Variants in RYR1 observed in about 807,000 individuals in gnomAD.
RYR1 encodes the protein central core disease of muscle.
In RYR1, 342 loss-of-function variants were observed where a neutral mutation model predicts 583.5. The ratio of observed to expected loss-of-function variants is 0.59; its 90% CI spans 0.54 to 0.64. The LOEUF is 0.64. Among genes scored for constraint, RYR1 ranks in the 30% least tolerant of loss-of-function variants. The probability of loss-of-function intolerance (pLI) is 0.00; values close to 1 mark genes in which losing one functional copy is unlikely to be tolerated. For missense variants in RYR1, 6,032 were observed against 6,917.2 expected, an observed-to-expected ratio of 0.87 and a Z score of 4.54; for synonymous variants, 2,791 against 2,822.5, an observed-to-expected ratio of 0.99 and a Z score of 0.35.
chr19:38,523,872 T>C, intron 69 of RYR1, 43 bp from the exon 70 acceptor site: 1 of 1,613,952 alleles, frequency 6.2e-7, no homozygotes, highest in Non-Finnish European at 8.5e-7. Flanking sequence ...TCTGCGGGGC[T>C]GGGGTAACCC....
intron 63 of RYR1, among the ~76,000 whole-genome samples, chr19:38,513,461 C>G (rs1970818156): frequency 6.6e-6 from 1 of 152,270 alleles, no homozygotes; most frequent in Non-Finnish European, 1.5e-5. Flanking sequence ...ACCTGGGCAA[C>G]ATAGCAAAAC....
chr19:38,564,271 C>T (rs909958609), intron 90 of RYR1, among the ~76,000 whole-genome samples: 1 of 152,146 alleles, frequency 6.6e-6, no homozygotes, highest in South Asian at 2.1e-4. Context: ...TGCCTGTAAT[C>T]CCAGCACTTT....
rs140063541 is a variant in RYR1, at chr19:38,502,722, C to T, written c.7830C>T (p.Leu2610=). ...TCATCGAGGACTGCCTCATGTCGCT[C>T]TGCAGGTGGAGCGGGGCAGGCTTCA... ...RDVIEDCLMS[L]CRYIRPSMLQ... The change falls in exon 48 of 106, where the codon CTC becomes CTT. Residue 2610 remains leucine (L), a synonymous_variant. Transcript: ENST00000359596. 1,094 of 1,416,896 alleles carry T rather than the reference C, an allele frequency of 7.7e-4. 1 individual carries two copies. The highest frequency in any genetic ancestry group is 1.4e-3 in the Middle Eastern group (7 of 5,104). The allele number at this position is 1,416,896 out of a possible 1,614,324, so 87.8% of individuals were successfully genotyped here. A position where few individuals can be genotyped will look rare whatever the true frequency, so the allele number is the denominator to read the frequency against.
rs755530044 is a variant in RYR1 at position 38,442,304 on chromosome 19, G to T, written c.166-45G>T. On this transcript the variant is annotated intron_variant, in intron 2 of 105. Coordinates refer to ENST00000359596, the MANE Select transcript of RYR1 (RefSeq NM_000540.3). ...GTGTGGCAGGGAATGTTGCTGGGGT[G>T]GGGGGGTCTTCTGACCCCTCACTTA... 6.3e-5 allele frequency: 80 copies of T among 1,264,402 alleles called. No homozygotes were observed. Among genetic ancestry groups the T allele is most frequent in the Middle Eastern group, 1.9e-4 (1 of 5,380 alleles). 78.3% of individuals were successfully genotyped at this position (1,264,402 alleles called of 1,614,324 possible). A position where few individuals can be genotyped will look rare whatever the true frequency, so the allele number is the denominator to read the frequency against.
rs1418380719 is a variant in RYR1, at chr19:38,512,164, C to T, written c.9233+32C>T. 3 of 1,613,666 alleles carry T rather than the reference C, an allele frequency of 1.9e-6. No individual in the cohort carries two copies. The highest frequency in any genetic ancestry group is 1.7e-6 in the Non-Finnish European group (2 of 1,179,770). ...CCATAGGCAGTGGCGCCCACTCCCA[C>T]CATCATCGGGCCCCCACCCCAACCC... On this transcript the variant is annotated intron_variant, in intron 62 of 105. Transcript: ENST00000359596. This position sits in a 1 kb window ranked among gnomAD's most constrained non-coding sequence, Gnocchi z 5.1.
chr19:38,492,505 G>A lies in RYR1; in HGVS notation c.6143G>A (p.Gly2048Glu). The change falls in exon 38 of 106, where the codon GGA (glycine) becomes GAA (glutamate). Residue 2048 changes from glycine to glutamate, a missense_variant. Physicochemically the swap from Gly to Glu is moderately conservative, Grantham distance 98. Coordinates refer to ENST00000359596, the MANE Select transcript of RYR1 (RefSeq NM_000540.3). ...LLAHCGIQLD[G>E]EEEEPEEETT... ...CCACTTCCAGGAATTCAGCTAGATG[G>A]AGAGGAGGAGGAACCAGAGGAAGAG... The A allele has an allele frequency of 6.2e-7, 1 of 1,614,164 alleles. No individual in the cohort carries two copies. The highest frequency in any genetic ancestry group is 8.5e-7 in the Non-Finnish European group (1 of 1,180,032).
At chr19:38,471,359 T>A (rs1968409591) in intron 27 of RYR1, among the ~76,000 whole-genome samples, 2 of 151,930 alleles carry the variant, frequency 1.3e-5, no homozygotes, top group Admixed American at 1.3e-4. Context: ...CAAAACCCTG[T>A]CTCTACACAG....
In RYR1 at chr19:38,517,578, C is replaced by T. The variant is rs777896104; in HGVS notation, c.9905C>T (p.Pro3302Leu). The T allele has an allele frequency of 4.3e-6, 7 of 1,613,874 alleles. No individual in the cohort carries two copies. Among genetic ancestry groups the T allele is most frequent in the Middle Eastern group, 1.6e-4 (1 of 6,084 alleles). ...TCCGCCCTGCCCGCCGGCGCCCCCC[C>T]ACCCTGCACAGCTGTCACCTCTGAC... Reference protein sequence around the residue: ...PPSALPAGAPPPCTAVTSDHL... With the variant: ...PPSALPAGAPLPCTAVTSDHL... Residue 3302 changes from proline to leucine, a missense_variant, in exon 66 of 106, where the codon CCA becomes CTA. By Grantham distance (98) the Pro-to-Leu change is moderately conservative. This residue lies in a region of RYR1 where 1,493 missense variants were observed against 1,715.5 expected (regional missense o/e 0.87). Transcript: ENST00000359596.
Position 38,516,108 on chromosome 19 carries a change from G to A in RYR1, c.9576G>A (p.Glu3192=). 3.9e-6 allele frequency: 6 copies of A among 1,549,516 alleles called. No homozygotes were observed. Among genetic ancestry groups the A allele is most frequent in the Non-Finnish European group, 5.2e-6 (6 of 1,146,954 alleles). The change falls in exon 65 of 106, where the codon GAG becomes GAA. Residue 3192 remains glutamate, a synonymous_variant. Transcript: ENST00000359596. ...CCAGGCTTCGGCCAGCCCTCGGGGAGTGCCTGGCCCGTCTGGCAGCAGCCA... is the reference window on the plus strand; with the variant it reads ...CCAGGCTTCGGCCAGCCCTCGGGGAATGCCTGGCCCGTCTGGCAGCAGCCA... ...YVEKLRPALG[E]CLARLAAAMP... is the part of the protein sequence containing the mutation.
intron 76 of RYR1, 31 bp from the exon 77 acceptor site, chr19:38,532,459 G>C: frequency 6.2e-7 from 1 of 1,613,384 alleles, no homozygotes; most frequent in Non-Finnish European, 8.5e-7. Flanking sequence ...TCTCCACCGG[G>C]TCCTGACCAC....
Position 38,455,625 on chromosome 19 carries a change from C to G in RYR1, c.1673-8C>G. On this transcript the variant is annotated splice_polypyrimidine_tract_variant and splice_region_variant and intron_variant, in intron 15 of 105. Coordinates refer to ENST00000359596, the MANE Select transcript of RYR1 (RefSeq NM_000540.3). ...CCGCTTCACCTCTCATTCTGGGCACCCTGGCAGGCATCCTGGAGGTCCTGT... is the reference window on the plus strand; with the variant it reads ...CCGCTTCACCTCTCATTCTGGGCACGCTGGCAGGCATCCTGGAGGTCCTGT... The G allele has an allele frequency of 2.5e-6, 4 of 1,611,622 alleles. No homozygotes were observed. Among genetic ancestry groups the G allele is most frequent in the Non-Finnish European group, 3.4e-6 (4 of 1,177,798 alleles).
At chr19:38,443,885 T>C in intron 5 of RYR1, 89 bp downstream of exon 5, 1 of 1,231,808 alleles carries the variant, frequency 8.1e-7, no homozygotes, top group Non-Finnish European at 1.2e-6. Flanking sequence ...AAGGCAAGCA[T>C]GAGACTACCC....
intron 29 of RYR1, among the ~76,000 whole-genome samples, chr19:38,477,110 C>T (rs539484875): frequency 6.6e-6 from 1 of 152,068 alleles, no homozygotes; most frequent in Non-Finnish European, 1.5e-5. Flanking sequence ...TTAGCACAGT[C>T]AGTGCTATTT....
intron 95 of RYR1, among the ~76,000 whole-genome samples, chr19:38,572,900 C>A (rs2145872729): frequency 6.6e-6 from 1 of 150,858 alleles, no homozygotes; most frequent in Non-Finnish European, 1.5e-5. Flanking sequence ...CTATCTATGC[C>A]CCCTATCCCG....
intron 63 of RYR1, among the ~76,000 whole-genome samples, chr19:38,514,015 A>G (rs1970840999): frequency 6.6e-6 from 1 of 152,102 alleles, no homozygotes; most frequent in Non-Finnish European, 1.5e-5. Context: ...AATCCAGTCA[A>G]GTTTCTCCTG....
Position 38,585,038 on chromosome 19 carries a change from G to A in RYR1, c.14742G>A (p.Arg4914=). The change falls in exon 102 of 106, where the codon AGG becomes AGA. Residue 4914 remains arginine, a synonymous_variant. Transcript: ENST00000359596. ...CGGGTGACGAATACGAGCTCTACAG[G>A]GTGGTCTTCGACATCACCTTCTTCT... The part of the protein sequence containing the change: ...DPAGDEYELY[R]VVFDITFFFF... 6.2e-7 allele frequency: 1 copy of A among 1,614,058 alleles called. No individual in the cohort carries two copies. Among genetic ancestry groups the A allele is most frequent in the Non-Finnish European group, 8.5e-7 (1 of 1,180,012 alleles).
chr19:38,440,872 C>A lies in RYR1; in HGVS notation c.165+8C>A. ...CCCACTAGCAACGCGCAGGTCTGTG[C>A]AGGAGGGAGAGGGGCCTGGGGACAG... On this transcript the variant is annotated splice_region_variant and intron_variant, in intron 2 of 105. Transcript: ENST00000359596. 6.2e-7 allele frequency: 1 copy of A among 1,609,874 alleles called. No homozygotes were observed. Among genetic ancestry groups the A allele is most frequent in the Non-Finnish European group, 8.5e-7 (1 of 1,177,982 alleles).
At position 38,433,793 on chromosome 19, in the gene RYR1, C is replaced by T. The variant is rs886038309; in HGVS notation, c.-37C>T. 57 of 955,918 alleles carry T rather than the reference C, an allele frequency of 6.0e-5. No homozygotes were observed. The Admixed American group carries it at 1.5e-3, about 25-fold the overall frequency. The allele number at this position is 955,918 out of a possible 1,614,324, so 59.2% of individuals were successfully genotyped here. A position where few individuals can be genotyped will look rare whatever the true frequency, so the allele number is the denominator to read the frequency against. On this transcript the variant is annotated 5_prime_UTR_variant, in exon 1 of 106. Transcript: ENST00000359596. ...CAGCCCGCAGCCCCCTCCCTCTGTT[C>T]CCCGACCTCAGACCCTGGGCTTCCG...
At chr19:38,448,241 G>C (rs1966889409) in intron 9 of RYR1, 114 bp from the exon 10 acceptor site, 1 of 1,205,006 alleles carries the variant, frequency 8.3e-7, no homozygotes, top group African/African-American at 1.5e-5. Flanking sequence ...AGATCAGCTT[G>C]GGCAACATAG....
Sources: allele counts gnomAD v4.1 joint callset (sites outside exome capture counted in the v4.1 genomes callset), GRCh38; gene constraint gnomAD v4.1.1; regional missense constraint gnomAD v4.1.1; non-coding constraint Gnocchi (gnomAD v3.1); transcripts MANE v1.5; gene names NCBI Gene and HGNC (gene_info 2026-07-23, HGNC 2026-07-21).